The following ADCY8 variants were observed in gnomAD, a reference collection of about 807,000 sequenced individuals.
ADCY8 encodes the protein adenylate cyclase 8, also known as adenylate cyclase type 8.
In ADCY8, 51 loss-of-function variants were observed where a neutral mutation model predicts 119.7. The observed-to-expected ratio is 0.43, with a 90% confidence interval of 0.34 to 0.54. ADCY8 has a LOEUF of 0.54. Ranked by LOEUF, ADCY8 falls within the 20% of genes least tolerant of loss-of-function variation. ADCY8 has a pLI of 0.03. For synonymous variants in ADCY8, 665 were observed against 651.0 expected (o/e 1.02, Z -0.33); for missense variants, 1,383 against 1,598.8 (o/e 0.87, Z 2.30).
At chr8:130,986,363 A>G (rs1822401577) in intron 2 of ADCY8, among the ~76,000 whole-genome samples, 1 of 152,238 alleles carries the variant, frequency 6.6e-6, no homozygotes, top group South Asian at 2.1e-4. Context: ...AGTTAAATAA[A>G]TATTACTCAG....
At chr8:130,962,869 G>T (rs966592343) in intron 2 of ADCY8, among the ~76,000 whole-genome samples, 2 of 152,172 alleles carry the variant, frequency 1.3e-5, no homozygotes, top group African/African-American at 2.4e-5. Context: ...ACTGGGGAGA[G>T]ACTTGTTCTG....
chr8:130,849,918 T>C (rs2130316458), intron 9 of ADCY8, 115 bp from the exon 10 acceptor site: 2 of 1,055,100 alleles, frequency 1.9e-6, no homozygotes, highest in South Asian at 3.2e-5. Context: ...TTGAAAGTTC[T>C]GTTTGTCCAA....
At chr8:130,796,859 C>T (rs1815596480) in intron 15 of ADCY8, among the ~76,000 whole-genome samples, 1 of 151,490 alleles carries the variant, frequency 6.6e-6, no homozygotes. Flanking sequence ...TATCCTCCCC[C>T]TCCTCTTATT....
intron 8 of ADCY8, among the ~76,000 whole-genome samples, chr8:130,876,039 G>A (rs528103256): frequency 1.3e-5 from 2 of 151,998 alleles, no homozygotes; most frequent in Admixed American, 1.3e-4. Flanking sequence ...CTTCAGTTTT[G>A]TTTAATATGA....
At chr8:130,874,929 C>A (rs1818505319) in intron 8 of ADCY8, among the ~76,000 whole-genome samples, 1 of 151,956 alleles carries the variant, frequency 6.6e-6, no homozygotes. Flanking sequence ...ACCTAGAAGT[C>A]CCTGGTTGTA....
chr8:130,893,198 T>C (rs1819248953), intron 7 of ADCY8, among the ~76,000 whole-genome samples: 1 of 152,192 alleles, frequency 6.6e-6, no homozygotes, highest in Non-Finnish European at 1.5e-5. Context: ...AAATTGTCAA[T>C]TGAATTGAAT....
intron 5 of ADCY8, among the ~76,000 whole-genome samples, chr8:130,932,621 C>G (rs1467807687): frequency 1.3e-5 from 2 of 152,150 alleles, no homozygotes; most frequent in Admixed American, 6.5e-5. Context: ...TGTGCTACAG[C>G]TGAGTATTAT....
chr8:130,982,293 A>T (rs1822263901), intron 2 of ADCY8, among the ~76,000 whole-genome samples: 1 of 152,236 alleles, frequency 6.6e-6, no homozygotes, highest in Non-Finnish European at 1.5e-5. Context: ...ATAAAACAGA[A>T]TGTGATAAAC....
Position 131,040,295 on chromosome 8 carries a change from C to T in ADCY8, c.39G>A (p.Glu13=), listed in dbSNP as rs1197755474. ...GCGTCGGGTGGATGGTGTAGAGTTC[C>T]TCGCTGCCTGTAAGGCAGCGCACAT... ...LSDVRCLTGS[E]ELYTIHPTPP... is the part of the protein sequence containing the mutation. Residue 13 remains glutamate, a synonymous_variant, in exon 1 of 18, where the codon GAG becomes GAA. Transcript: ENST00000286355. The T allele has an allele frequency of 1.3e-6, 2 of 1,556,138 alleles. No homozygotes were observed. The highest frequency in any genetic ancestry group is 2.3e-5 in the East Asian group (1 of 42,684).
At chr8:130,834,030 A>T (rs1237468957) in intron 12 of ADCY8, among the ~76,000 whole-genome samples, 2 of 152,190 alleles carry the variant, frequency 1.3e-5, no homozygotes, top group Non-Finnish European at 2.9e-5. Context: ...GAAAATTGCT[A>T]AGAGAGTAGA....
chr8:130,913,340 C>T (rs1035730320), intron 5 of ADCY8, among the ~76,000 whole-genome samples: 11 of 152,106 alleles, frequency 7.2e-5, no homozygotes, highest in African/African-American at 2.7e-4. Context: ...TCCTAACCCC[C>T]CACTACCCTT....
At chr8:130,838,535 C>T (rs1586466763) in intron 11 of ADCY8, among the ~76,000 whole-genome samples, 1 of 96,154 alleles carries the variant, frequency 1.0e-5, no homozygotes, top group Non-Finnish European at 2.8e-5. Context: ...TTGACAAAGG[C>T]CAAAGAAAGA....
At chr8:130,849,955 T>C in intron 9 of ADCY8, 152 bp from the exon 10 acceptor site, 1 of 793,764 alleles carries the variant, frequency 1.3e-6, no homozygotes, top group Non-Finnish European at 2.0e-6. Context: ...AGGAGAGATT[T>C]TTAAAAATTA....
chr8:131,023,893 TAAG>T (rs1210200095), intron 1 of ADCY8, among the ~76,000 whole-genome samples: 1 of 152,226 alleles, frequency 6.6e-6, no homozygotes, highest in Non-Finnish European at 1.5e-5. Flanking sequence ...TCCACAAAAT[TAAG>T]AAGGACTTTA....
chr8:130,938,172 T>C (rs1158346369), intron 4 of ADCY8, among the ~76,000 whole-genome samples: 1 of 152,110 alleles, frequency 6.6e-6, no homozygotes, highest in Non-Finnish European at 1.5e-5. Context: ...CTGTGAGTCT[T>C]TGGGTAAACT....
chr8:130,879,385 G>A (rs1421258906), intron 8 of ADCY8, among the ~76,000 whole-genome samples: 5 of 152,118 alleles, frequency 3.3e-5, no homozygotes, highest in African/African-American at 1.2e-4. Flanking sequence ...AGTCACAAAA[G>A]GAGAATTATA....
At chr8:130,881,588 A>G (rs1207605086) in intron 8 of ADCY8, among the ~76,000 whole-genome samples, 1 of 152,176 alleles carries the variant, frequency 6.6e-6, no homozygotes, top group Non-Finnish European at 1.5e-5. Context: ...TCCCAAGAAG[A>G]AAGGTAGGGC....
At chr8:130,922,210 T>C (rs1820330774) in intron 5 of ADCY8, among the ~76,000 whole-genome samples, 1 of 138,080 alleles carries the variant, frequency 7.2e-6, no homozygotes, top group African/African-American at 2.6e-5. Context: ...TTCCCTTTCT[T>C]TTTTTTTTTT....
intron 1 of ADCY8, among the ~76,000 whole-genome samples, chr8:131,019,500 A>T (rs1395892327): frequency 6.6e-6 from 1 of 152,180 alleles, no homozygotes; most frequent in Non-Finnish European, 1.5e-5. Context: ...TTCAATTTTT[A>T]GCCTTACCTA....
Sources: gnomAD v4.1 joint callset for allele counts (sites outside exome capture counted in the v4.1 genomes callset) on GRCh38, gnomAD v4.1.1 for gene constraint, MANE v1.5 for transcripts, NCBI Gene and HGNC (gene_info 2026-07-23, HGNC 2026-07-21) for gene names.